The following PRDM5 variants were observed in gnomAD, a reference collection of about 807,000 sequenced individuals.
The protein encoded by PRDM5 is PR/SET domain 5.
PRDM5 carries 56 observed loss-of-function variants against 81.2 expected under a neutral mutation model. The ratio of observed to expected loss-of-function variants is 0.69; its 90% CI spans 0.56 to 0.86. The LOEUF is 0.86. Among genes scored for constraint, PRDM5 ranks in the 40% least tolerant of loss-of-function variants. The pLI, the probability that PRDM5 is intolerant of heterozygous loss-of-function variation, is 0.00. For synonymous variants in PRDM5, 267 were observed against 256.4 expected, an observed-to-expected ratio of 1.04 and a Z score of -0.39; for missense variants, 697 against 770.1, an observed-to-expected ratio of 0.91 and a Z score of 1.12.
chr4:120,819,062 C>T (rs1754924695), intron 4 of PRDM5, among the ~76,000 whole-genome samples: 1 of 152,174 alleles, frequency 6.6e-6, no homozygotes, highest in Non-Finnish European at 1.5e-5. Context: ...TTAAATTACA[C>T]ATTTGTTTCT....
intron 2 of PRDM5, among the ~76,000 whole-genome samples, chr4:120,863,836 A>C (rs2148510294): frequency 6.6e-6 from 1 of 152,370 alleles, no homozygotes; most frequent in East Asian, 1.9e-4. Flanking sequence ...AAAGTAACTT[A>C]GTCATTTTGT....
At chr4:120,733,593 G>T (rs1740596165) in intron 14 of PRDM5, among the ~76,000 whole-genome samples, 1 of 152,144 alleles carries the variant, frequency 6.6e-6, no homozygotes. Flanking sequence ...CATCACACAT[G>T]GTTCTCTTTC....
intron 2 of PRDM5, among the ~76,000 whole-genome samples, chr4:120,878,658 C>T (rs897416566): frequency 2.0e-5 from 3 of 152,022 alleles, no homozygotes; most frequent in African/African-American, 4.8e-5. Flanking sequence ...AAAATCTTTG[C>T]TGGTATACAA....
At chr4:120,740,548 T>A (rs1435116854) in intron 14 of PRDM5, among the ~76,000 whole-genome samples, 1 of 152,172 alleles carries the variant, frequency 6.6e-6, no homozygotes, top group Non-Finnish European at 1.5e-5. Context: ...GATTCATCTG[T>A]GACTCCTCCC....
At chr4:120,710,551 C>T in intron 14 of PRDM5, 138 bp from the exon 15 acceptor site, 1 of 742,626 alleles carries the variant, frequency 1.3e-6, no homozygotes, top group Non-Finnish European at 2.4e-6. Context: ...TTGGCTGTGC[C>T]CCACCCAAAT....
chr4:120,688,955 T>C (rs1733937214), downstream of PRDM5, among the ~76,000 whole-genome samples: 1 of 152,180 alleles, frequency 6.6e-6, no homozygotes, highest in Admixed American at 6.5e-5. Context: ...TGTTTTGGCT[T>C]ATAGAACATA....
intron 2 of PRDM5, among the ~76,000 whole-genome samples, chr4:120,887,086 C>T (rs1301659960): frequency 2.0e-5 from 3 of 152,118 alleles, no homozygotes; most frequent in African/African-American, 7.2e-5. Flanking sequence ...GCTGGGACTA[C>T]AGGCGCCCGC....
At chr4:120,832,155 T>C (rs1042733025) in intron 3 of PRDM5, among the ~76,000 whole-genome samples, 7 of 152,128 alleles carry the variant, frequency 4.6e-5, no homozygotes, top group Non-Finnish European at 1.0e-4. Flanking sequence ...AGGATATTTA[T>C]AAAGGAAAGA....
chr4:120,723,671 C>A (rs1196011298), intron 14 of PRDM5, among the ~76,000 whole-genome samples: 1 of 151,886 alleles, frequency 6.6e-6, no homozygotes, highest in East Asian at 1.9e-4. Flanking sequence ...AGAAGATATA[C>A]AGAAAATATA....
At chr4:120,898,063 T>C (rs1764844544) in intron 2 of PRDM5, among the ~76,000 whole-genome samples, 1 of 152,234 alleles carries the variant, frequency 6.6e-6, no homozygotes, top group Admixed American at 6.5e-5. Flanking sequence ...ATTATATTTC[T>C]CTGGAGTAGA....
At chr4:120,863,301 G>C (rs187062509) in intron 2 of PRDM5, among the ~76,000 whole-genome samples, 1 of 150,398 alleles carries the variant, frequency 6.6e-6, no homozygotes, top group African/African-American at 2.4e-5. Context: ...CTGCACACAG[G>C]TTCCTCCAGA....
Position 120,791,692 on chromosome 4 carries a change from C to T in PRDM5, c.1188+6575G>A, listed in dbSNP as rs191468483. 9.8e-5 allele frequency among the ~76,000 whole-genome samples: 15 copies of T among 152,292 alleles called. No homozygotes were observed. In the East Asian group the frequency reaches 2.7e-3, roughly 27 times the overall value. ...TCACCCCCTGGCTCTGCCACCCAAC[C>T]ACCACCAACTCTCACTGCTATGGAC... On this transcript the variant is annotated intron_variant, in intron 10 of 15. Transcript: ENST00000264808.
intron 14 of PRDM5, among the ~76,000 whole-genome samples, chr4:120,748,566 A>C (rs1304706187): frequency 6.6e-6 from 1 of 151,884 alleles, no homozygotes; most frequent in Admixed American, 6.6e-5. Flanking sequence ...CACTGAACCC[A>C]GGAGTTCAAG....
At chr4:120,710,508 A>G in intron 14 of PRDM5, 95 bp from the exon 15 acceptor site, 1 of 984,872 alleles carries the variant, frequency 1.0e-6, no homozygotes, top group Admixed American at 1.9e-5. Context: ...TCCACAGAAT[A>G]CTGCAGCAAA....
intron 3 of PRDM5, among the ~76,000 whole-genome samples, chr4:120,846,960 A>G (rs1403926438): frequency 6.6e-6 from 1 of 152,126 alleles, no homozygotes; most frequent in Non-Finnish European, 1.5e-5. Context: ...AAAGTCCTTC[A>G]GACAACAAAG....
chr4:120,768,714 ACCAAT>A (rs1167256493), intron 13 of PRDM5, among the ~76,000 whole-genome samples: 2 of 152,218 alleles, frequency 1.3e-5, no homozygotes, highest in African/African-American at 4.8e-5. Flanking sequence ...ATTTGTCAGG[ACCAAT>A]TTCCTCTACG....
At chr4:120,748,585 A>G (rs1169327284) in intron 14 of PRDM5, among the ~76,000 whole-genome samples, 1 of 151,786 alleles carries the variant, frequency 6.6e-6, no homozygotes, top group African/African-American at 2.4e-5. Flanking sequence ...AGGTTGCAGT[A>G]CACTATGATT....
chr4:120,920,439 C>G (rs1180918709), intron 1 of PRDM5, among the ~76,000 whole-genome samples: 1 of 152,054 alleles, frequency 6.6e-6, no homozygotes, highest in Non-Finnish European at 1.5e-5. Flanking sequence ...TGATTTATGT[C>G]CAGAATTAGG....
chr4:120,855,264 G>T (rs2148476552), intron 2 of PRDM5, among the ~76,000 whole-genome samples: 1 of 152,238 alleles, frequency 6.6e-6, no homozygotes, highest in Non-Finnish European at 1.5e-5. Flanking sequence ...CCTCAATAAT[G>T]AATGCCAGAC....
Sources: allele counts gnomAD v4.1 joint callset (sites outside exome capture counted in the v4.1 genomes callset), GRCh38; gene constraint gnomAD v4.1.1; transcripts MANE v1.5; gene names NCBI Gene and HGNC (gene_info 2026-07-23, HGNC 2026-07-21).